SMIM23: variants seen among roughly 807,000 people sequenced by gnomAD.
SMIM23 encodes small integral membrane protein 23.
In SMIM23, 10 loss-of-function variants were observed where a neutral mutation model predicts 12.8. The observed-to-expected ratio is 0.78, with a 90% confidence interval of 0.48 to 1.32. The LOEUF is 1.32. Ranked by LOEUF, SMIM23 falls within the 40% of genes most tolerant of loss-of-function variation. The pLI is 0.00. For missense variants in SMIM23, 184 were observed against 198.2 expected, an observed-to-expected ratio of 0.93 and a Z score of 0.43; for synonymous variants, 78 against 80.1, an observed-to-expected ratio of 0.97 and a Z score of 0.14.
intron 3 of SMIM23, 28 bp from the exon 4 acceptor site, chr5:171,790,767 G>T (rs546338704): frequency 2.0e-6 from 3 of 1,535,822 alleles, no homozygotes; most frequent in East Asian, 4.9e-5. Context: ...AGAAAGCACA[G>T]GATGCCACTT....
upstream of SMIM23, chr5:171,782,679 C>T (rs1274250414): frequency 6.6e-6 from 1 of 152,202 alleles, no homozygotes; most frequent in African/African-American, 2.4e-5. Flanking sequence ...ACTGTGAATA[C>T]AAAAATGTAT....
At position 171,791,032 on chromosome 5, in the gene SMIM23, G is replaced by C. The variant is rs777271138; in HGVS notation, c.463G>C (p.Glu155Gln). The C allele has an allele frequency of 2.6e-6, 4 of 1,532,330 alleles. No homozygotes were observed. Among genetic ancestry groups the C allele is most frequent in the Non-Finnish European group, 8.7e-7 (1 of 1,145,408 alleles). 94.9% of individuals were successfully genotyped at this position (1,532,330 alleles called of 1,614,324 possible). ...GGAGTGGGCCTGGGCCCTGGGGAGAGAGCACAAAGGTGGGGAGGGGTTGCT... is the reference window on the plus strand; with the variant it reads ...GGAGTGGGCCTGGGCCCTGGGGAGACAGCACAAAGGTGGGGAGGGGTTGCT... ...LWEWAWALGR[E>Q]HKGGEGLLEI... is the part of the protein sequence containing the mutation. The change falls in exon 4 of 4, where the codon GAG becomes CAG. Residue 155 changes from glutamate (E) to glutamine (Q), a missense_variant. Glu to Gln is a conservative substitution (Grantham distance 29, BLOSUM62 2). Coordinates refer to ENST00000523047, the MANE Select transcript of SMIM23 (RefSeq NM_001289970.2).
intron 3 of SMIM23, 86 bp downstream of exon 3, chr5:171,790,635 A>G: frequency 1.4e-6 from 2 of 1,416,426 alleles, no homozygotes; most frequent in Non-Finnish European, 1.9e-6. Flanking sequence ...GTCATGAAAG[A>G]TAAGTAGTCG....
chr5:171,785,990 A>G lies in SMIM23; in HGVS notation c.105+14A>G, dbSNP rs750464007. 34 of 1,530,280 alleles carry G rather than the reference A, an allele frequency of 2.2e-5. No homozygotes were observed. Among genetic ancestry groups the G allele is most frequent in the Non-Finnish European group, 1.8e-6 (2 of 1,141,472 alleles). 94.8% of individuals were successfully genotyped at this position (1,530,280 alleles called of 1,614,324 possible). A position where few individuals can be genotyped will look rare whatever the true frequency, so the allele number is the denominator to read the frequency against. ...GACGAGAAGCAGGTGAGGCCAGGCCAGGTACATGCTGCTTTCCTCCCATCT... is the reference window on the plus strand; with the variant it reads ...GACGAGAAGCAGGTGAGGCCAGGCCGGGTACATGCTGCTTTCCTCCCATCT... On this transcript the variant is annotated intron_variant, in intron 1 of 3. Coordinates refer to ENST00000523047, the MANE Select transcript of SMIM23 (RefSeq NM_001289970.2).
At chr5:171,781,321 A>C (rs910450153), upstream of SMIM23, among the ~76,000 whole-genome samples, 2 of 152,204 alleles carry the variant, frequency 1.3e-5, no homozygotes, top group Non-Finnish European at 2.9e-5. Context: ...TGTCTGCCAC[A>C]TGTATACTAA....
the SMIM23 span, chr5:171,774,360 C>T: frequency 2.0e-3 from 917 of 454,396 alleles, 7 homozygotes; most frequent in African/African-American, 0.017. Context: ...ACTGAGCCAG[C>T]AGAGAGACAG....
upstream of SMIM23, among the ~76,000 whole-genome samples, chr5:171,777,824 G>A (rs949850476): frequency 4.6e-5 from 7 of 152,080 alleles, no homozygotes; most frequent in Non-Finnish European, 1.0e-4. Context: ...GATGAGTCTT[G>A]GGGGTGACAC....
At chr5:171,772,916 C>G in the SMIM23 span, among the ~76,000 whole-genome samples, 1 of 152,190 alleles carries the variant, frequency 6.6e-6, no homozygotes, top group Admixed American at 6.5e-5. Context: ...ATCTATTTCA[C>G]TAAGGGTGAT....
upstream of SMIM23, among the ~76,000 whole-genome samples, chr5:171,779,442 G>A (rs979656337): frequency 3.9e-5 from 6 of 152,154 alleles, no homozygotes; most frequent in Non-Finnish European, 2.9e-5. Flanking sequence ...TAGACTAAAG[G>A]CAGGCACCAG....
At chr5:171,781,797 G>A (rs1755732155), upstream of SMIM23, among the ~76,000 whole-genome samples, 1 of 152,166 alleles carries the variant, frequency 6.6e-6, no homozygotes. Context: ...GGGTCGAGTG[G>A]GGACTTCCAG....
intron 1 of SMIM23, among the ~76,000 whole-genome samples, chr5:171,788,101 C>A (rs1371416448): frequency 2.0e-5 from 3 of 150,382 alleles, no homozygotes; most frequent in Non-Finnish European, 4.4e-5. Flanking sequence ...TTAAGGCAAA[C>A]TAGATCTGAC....
the SMIM23 span, among the ~76,000 whole-genome samples, chr5:171,776,251 C>A: frequency 2.6e-5 from 3 of 114,506 alleles, no homozygotes; most frequent in African/African-American, 6.7e-5. Flanking sequence ...CACGGTCTCA[C>A]AGTGAGCGGG....
chr5:171,790,288 A>C lies in SMIM23; in HGVS notation c.157+7A>C. 1.3e-6 allele frequency: 2 copies of C among 1,536,092 alleles called. No individual in the cohort carries two copies. Among genetic ancestry groups the C allele is most frequent in the Non-Finnish European group, 1.7e-6 (2 of 1,146,878 alleles). On this transcript the variant is annotated splice_region_variant and intron_variant, in intron 2 of 3. Coordinates refer to ENST00000523047, the MANE Select transcript of SMIM23 (RefSeq NM_001289970.2). ...TTGAGCACAGAGATATGGGGTGAGC[A>C]TTCTGGAATCTGAGAAAGAAGGAAC...
chr5:171,790,740 G>A, intron 3 of SMIM23, 55 bp from the exon 4 acceptor site: 1 of 1,525,366 alleles, frequency 6.6e-7, no homozygotes, highest in Non-Finnish European at 8.8e-7. Flanking sequence ...TGGGGATGGG[G>A]AGGAGGGTCC....
At chr5:171,781,666 T>C (rs1178614329), upstream of SMIM23, among the ~76,000 whole-genome samples, 1 of 152,208 alleles carries the variant, frequency 6.6e-6, no homozygotes, top group African/African-American at 2.4e-5. Context: ...GCTGCTTTAG[T>C]AATAATAATA....
the SMIM23 span, among the ~76,000 whole-genome samples, chr5:171,776,979 C>T: frequency 6.6e-6 from 1 of 152,096 alleles, no homozygotes; most frequent in Non-Finnish European, 1.5e-5. Flanking sequence ...TTCTAGACTC[C>T]ATGTCTCCAA....
chr5:171,778,131 G>A (rs949808024), upstream of SMIM23, among the ~76,000 whole-genome samples: 5 of 152,166 alleles, frequency 3.3e-5, no homozygotes, highest in Admixed American at 6.5e-5. Flanking sequence ...AGGCCGAGGC[G>A]GGCGGATCAC....
chr5:171,773,521 G>T, the SMIM23 span: 1 of 322,852 alleles, frequency 3.1e-6, no homozygotes, highest in Middle Eastern at 1.1e-3. Flanking sequence ...GGATTCTGAA[G>T]ATGTGGAAGG....
At chr5:171,784,498 C>A (rs1482368242), upstream of SMIM23, among the ~76,000 whole-genome samples, 5 of 150,234 alleles carry the variant, frequency 3.3e-5, no homozygotes, top group African/African-American at 1.2e-4. Context: ...GAGTGAGACT[C>A]TGTCTCAAAA....
Sources: allele counts gnomAD v4.1 joint callset (sites outside exome capture counted in the v4.1 genomes callset), GRCh38; gene constraint gnomAD v4.1.1; transcripts MANE v1.5; gene names NCBI Gene and HGNC (gene_info 2026-07-23, HGNC 2026-07-21).